PHF6: variants seen among roughly 807,000 people sequenced by gnomAD.
PHF6 encodes PHD-like zinc finger protein.
A neutral mutation model predicts 34.0 loss-of-function variants in PHF6; 7 were observed. That is an observed-to-expected ratio of 0.21 (90% CI 0.12 to 0.39). The LOEUF is 0.39. Among genes scored for constraint, PHF6 ranks in the 10% least tolerant of loss-of-function variants. The probability of loss-of-function intolerance (pLI) is 1.00; values close to 1 mark genes in which losing one functional copy is unlikely to be tolerated. For synonymous variants in PHF6, 89 were observed against 88.4 expected (o/e 1.01, Z -0.04); for missense variants, 128 against 262.8 (o/e 0.49, Z 3.55).
At chrX:134,390,068 A>G (rs962494396) in intron 3 of PHF6, among the ~76,000 whole-genome samples, 1 of 111,965 alleles carries the variant, frequency 8.9e-6, no homozygotes, top group Non-Finnish European at 1.9e-5. Flanking sequence ...TGAACAGTAT[A>G]TATCTTGAGT....
chrX:134,409,558 G>T (rs906840012), intron 5 of PHF6, among the ~76,000 whole-genome samples: 2 of 110,670 alleles, frequency 1.8e-5, no homozygotes, highest in Non-Finnish European at 3.8e-5. Flanking sequence ...GATTTTCTGT[G>T]TATCATGTTC....
chrX:134,402,812 C>A (rs1208386566), intron 5 of PHF6, among the ~76,000 whole-genome samples: 1 of 112,022 alleles, frequency 8.9e-6, no homozygotes, highest in Non-Finnish European at 1.9e-5. Context: ...GGCAATCTCA[C>A]AATATTTCAA....
At chrX:134,398,689 A>G in intron 5 of PHF6, among the ~76,000 whole-genome samples, 1 of 111,734 alleles carries the variant, frequency 8.9e-6, no homozygotes, top group East Asian at 2.8e-4. Context: ...GAGATATTGG[A>G]GATGACTCCA....
At chrX:134,389,136 A>T (rs2077343238) in intron 3 of PHF6, among the ~76,000 whole-genome samples, 1 of 111,197 alleles carries the variant, frequency 9.0e-6, no homozygotes, top group Admixed American at 9.7e-5. Context: ...AGTGAGAGAA[A>T]AATTATTATT....
chrX:134,387,390 T>C (rs1336720048), intron 3 of PHF6, among the ~76,000 whole-genome samples: 3 of 111,740 alleles, frequency 2.7e-5, no homozygotes, highest in Non-Finnish European at 5.6e-5. Flanking sequence ...ACCAATAATA[T>C]AAACAAAATG....
At chrX:134,407,139 C>T (rs906504229) in intron 5 of PHF6, among the ~76,000 whole-genome samples, 8 of 112,172 alleles carry the variant, frequency 7.1e-5, no homozygotes, top group African/African-American at 2.6e-4. Context: ...CTTAACCTTT[C>T]TAAACTTCCT....
intron 3 of PHF6, among the ~76,000 whole-genome samples, chrX:134,383,117 G>A (rs1431649371): frequency 1.8e-5 from 2 of 110,407 alleles, no homozygotes; most frequent in African/African-American, 3.3e-5. Context: ...GCATGTTCCT[G>A]TAGACCTAGC....
At chrX:134,419,195 G>A (rs781459323) in intron 9 of PHF6, 2 of 110,879 alleles carry the variant, frequency 1.8e-5, no homozygotes, top group South Asian at 7.6e-4. Flanking sequence ...TAAAATATTA[G>A]TAAATCAAAT....
chrX:134,406,811 T>G (rs1018035681), intron 5 of PHF6, among the ~76,000 whole-genome samples: 1 of 112,144 alleles, frequency 8.9e-6, no homozygotes, highest in Non-Finnish European at 1.9e-5. Flanking sequence ...TTACTTTTTA[T>G]CGTATTTATT....
intron 1 of PHF6, among the ~76,000 whole-genome samples, chrX:134,376,279 C>T (rs2077277949): frequency 8.9e-6 from 1 of 111,826 alleles, no homozygotes. Context: ...TAGTGTTAGA[C>T]AATTTTTTTT....
chrX:134,419,560 T>C (rs1044259133), intron 9 of PHF6: 3 of 111,504 alleles, frequency 2.7e-5, no homozygotes, highest in African/African-American at 6.5e-5. Context: ...TAGGTGTTTA[T>C]GAGAAAAACA....
intron 3 of PHF6, among the ~76,000 whole-genome samples, chrX:134,388,687 G>C (rs2077341472): frequency 9.0e-6 from 1 of 111,676 alleles, no homozygotes; most frequent in Non-Finnish European, 1.9e-5. Context: ...TTCCCCAAGA[G>C]CCTTGTCGTA....
intron 9 of PHF6, chrX:134,419,576 A>G (rs774007797): frequency 9.0e-6 from 1 of 111,624 alleles, no homozygotes; most frequent in East Asian, 2.8e-4. Context: ...AAACAACAGC[A>G]AATAACTTAT....
intron 1 of PHF6, among the ~76,000 whole-genome samples, chrX:134,375,876 C>T (rs1024455473): frequency 2.7e-5 from 3 of 111,722 alleles, no homozygotes; most frequent in Non-Finnish European, 5.7e-5. Context: ...TCTTTTGTTT[C>T]TCTGTTATGT....
intron 5 of PHF6, among the ~76,000 whole-genome samples, chrX:134,405,962 G>A (rs2077421407): frequency 9.1e-6 from 1 of 109,889 alleles, no homozygotes; most frequent in South Asian, 3.9e-4. Context: ...CACTGGAAAA[G>A]GCAGGGCGAA....
chrX:134,426,159 C>T lies in PHF6; in HGVS notation c.*499C>T, dbSNP rs1324030682. ...AACCTTCTTTTTCTCTTGACTTTGA[C>T]AGCACATGCTAAAAATCTCTTCCAA... On this transcript the variant is annotated 3_prime_UTR_variant, in exon 11 of 11. Coordinates refer to ENST00000370803, the MANE Select transcript of PHF6 (RefSeq NM_001015877.2). The T allele has an allele frequency of 6.3e-6, 1 of 157,896 alleles. No homozygotes were observed. Among genetic ancestry groups the T allele is most frequent in the Non-Finnish European group, 1.2e-5 (1 of 81,018 alleles). 13.0% of individuals were successfully genotyped at this position (157,896 alleles called of 1,213,427 possible). A position where few individuals can be genotyped will look rare whatever the true frequency, so the allele number is the denominator to read the frequency against.
At chrX:134,402,154 C>T (rs1477124802) in intron 5 of PHF6, among the ~76,000 whole-genome samples, 3 of 111,535 alleles carry the variant, frequency 2.7e-5, no homozygotes, top group African/African-American at 9.8e-5. Context: ...CGCCACCACG[C>T]CCAGCTAATT....
intron 8 of PHF6, among the ~76,000 whole-genome samples, chrX:134,416,272 A>T (rs757797752): frequency 2.7e-5 from 3 of 111,507 alleles, no homozygotes; most frequent in African/African-American, 9.8e-5. Flanking sequence ...AACTTTCGTA[A>T]CAGAGCCTGT....
intron 5 of PHF6, among the ~76,000 whole-genome samples, chrX:134,408,188 A>G (rs1008320110): frequency 2.7e-5 from 3 of 112,470 alleles, no homozygotes; most frequent in African/African-American, 9.7e-5. Flanking sequence ...TTGGCCTCCC[A>G]AAGTGCTGGG....
Sources: allele counts gnomAD v4.1 joint callset (sites outside exome capture counted in the v4.1 genomes callset), GRCh38; gene constraint gnomAD v4.1.1; transcripts MANE v1.5; gene names NCBI Gene and HGNC (gene_info 2026-07-23, HGNC 2026-07-21).